Variants in PCDHGA10 observed in about 807,000 individuals in gnomAD.
The protein encoded by PCDHGA10 is protocadherin gamma-A10.
PCDHGA10 carries 42 observed loss-of-function variants against 59.5 expected under a neutral mutation model. That is an observed-to-expected ratio of 0.71 (90% CI 0.55 to 0.91). The LOEUF (loss-of-function observed/expected upper bound fraction) is 0.91. PCDHGA10 is among the 40% of genes least tolerant of loss of function. The pLI is 0.00. For synonymous variants in PCDHGA10, 511 were observed against 517.2 expected (o/e 0.99, Z 0.16); for missense variants, 1,111 against 1,198.2 (o/e 0.93, Z 1.07).
At chr5:141,509,872 G>A (rs968745661) in intron 3 of PCDHGA10, among the ~76,000 whole-genome samples, 1 of 152,166 alleles carries the variant, frequency 6.6e-6, no homozygotes, top group Non-Finnish European at 1.5e-5. Context: ...CCAAGCTGCT[G>A]GTGGTGATGG....
At chr5:141,426,231 C>A in intron 1 of PCDHGA10, 1 of 158,042 alleles carries the variant, frequency 6.3e-6, no homozygotes, top group Non-Finnish European at 1.4e-5. Flanking sequence ...ATTTTAAAAG[C>A]ACTTTGTGAA....
intron 1 of PCDHGA10, among the ~76,000 whole-genome samples, chr5:141,446,882 G>A (rs1419213225): frequency 1.3e-5 from 2 of 152,086 alleles, no homozygotes; most frequent in African/African-American, 4.8e-5. Flanking sequence ...TATGTTTTGG[G>A]GTTCATGGCT....
chr5:141,431,297 C>T lies in PCDHGA10; in HGVS notation c.2436+15686C>T. The T allele has an allele frequency of 6.2e-7, 1 of 1,614,126 alleles. No homozygotes were observed. The highest frequency in any genetic ancestry group is 8.5e-7 in the Non-Finnish European group (1 of 1,180,036). Reference sequence around the variant, plus strand: ...GCTCAGCCCGAACACTCACTTCTCCCTCATCGTGCAAAATGGAGCCGACGG... The same window carrying T: ...GCTCAGCCCGAACACTCACTTCTCCTTCATCGTGCAAAATGGAGCCGACGG... On this transcript the variant is annotated intron_variant, in intron 1 of 3. Coordinates refer to ENST00000398610, the MANE Select transcript of PCDHGA10 (RefSeq NM_018913.3). This position sits in a 1 kb window ranked among gnomAD's most constrained non-coding sequence, Gnocchi z 4.8.
At chr5:141,509,094 T>C (rs1038935185) in intron 3 of PCDHGA10, among the ~76,000 whole-genome samples, 4 of 152,152 alleles carry the variant, frequency 2.6e-5, no homozygotes, top group African/African-American at 9.7e-5. Context: ...AAATGGGGGC[T>C]GTAGAAACCT....
Position 141,496,888 on chromosome 5 carries a change from TA to T in PCDHGA10, c.2495+2038del, listed in dbSNP as rs35063790. 4.6e-3 allele frequency among the ~76,000 whole-genome samples: 621 copies of T among 133,932 alleles called. 1 individual carries two copies. Among genetic ancestry groups the T allele is most frequent in the Middle Eastern group, 0.011 (3 of 270 alleles). 87.9% of individuals were successfully genotyped at this position (133,932 alleles called of 152,430 possible). ...CTGAAAATTTGCAACAAGTAACACT[TA>T]AAAAAAAAAAAAAAGGCTGGGCACT... On this transcript the variant is annotated intron_variant, in intron 2 of 3. Coordinates refer to ENST00000398610, the MANE Select transcript of PCDHGA10 (RefSeq NM_018913.3).
chr5:141,501,304 C>T (rs1005430489), intron 2 of PCDHGA10, among the ~76,000 whole-genome samples: 104 of 151,340 alleles, frequency 6.9e-4, no homozygotes, highest in African/African-American at 2.2e-3. Flanking sequence ...CACACACACA[C>T]ACACACACAC....
chr5:141,415,765 T>G (rs1386091482), intron 1 of PCDHGA10, 154 bp downstream of exon 1: 1 of 1,364,078 alleles, frequency 7.3e-7, no homozygotes, highest in South Asian at 1.7e-5. Flanking sequence ...TTTTTTTTTT[T>G]TTTTTTTACT....
At chr5:141,473,623 A>T (rs186624707) in intron 1 of PCDHGA10, among the ~76,000 whole-genome samples, 8 of 152,280 alleles carry the variant, frequency 5.3e-5, no homozygotes, top group Non-Finnish European at 1.5e-5. Flanking sequence ...GAGGGAGGAA[A>T]AAGCAGCTTT....
chr5:141,454,232 G>T (rs2098784520), intron 1 of PCDHGA10, among the ~76,000 whole-genome samples: 1 of 152,146 alleles, frequency 6.6e-6, no homozygotes, highest in African/African-American at 2.4e-5. Context: ...TAATTGTGAT[G>T]AAAAGGATGA....
intron 1 of PCDHGA10, chr5:141,423,756 GGGGGT>G: frequency 1.1e-5 from 5 of 448,566 alleles, no homozygotes; most frequent in African/African-American, 2.8e-5. Context: ...TGTTTGGGGG[GGGGGT>G]GGGGCGGCAT....
At position 141,414,570 on chromosome 5, in the gene PCDHGA10, C is replaced by G. The variant is rs1253876890; in HGVS notation, c.1395C>G (p.Ile465Met). The change falls in exon 1 of 4, where the codon ATC becomes ATG. Residue 465 changes from isoleucine to methionine, a missense_variant. By Grantham distance (10) the Ile-to-Met change is conservative (BLOSUM62 1). Transcript: ENST00000398610. ...CTCAAGTCTCCTACTTTACCTATAT[C>G]CCAGAGAACAACGCCAGGGGTGCCT... ...TFSQVSYFTY[I>M]PENNARGASI... The G allele has an allele frequency of 8.1e-6, 13 of 1,613,862 alleles. No individual in the cohort carries two copies. The highest frequency in any genetic ancestry group is 1.0e-5 in the Non-Finnish European group (12 of 1,179,892).
intron 1 of PCDHGA10, 127 bp downstream of exon 1, chr5:141,415,738 A>G (rs2095905853): frequency 5.6e-6 from 3 of 538,228 alleles, no homozygotes; most frequent in South Asian, 3.9e-5. Context: ...ATGTTTATTA[A>G]GGTTTTTTTT....
intron 1 of PCDHGA10, among the ~76,000 whole-genome samples, chr5:141,437,505 A>G (rs1429147239): frequency 6.6e-6 from 1 of 152,204 alleles, no homozygotes; most frequent in Non-Finnish European, 1.5e-5. Context: ...TTTTCAATGA[A>G]TTATAAGGCT....
chr5:141,467,990 A>G (rs1593103654), intron 1 of PCDHGA10, among the ~76,000 whole-genome samples: 2 of 152,052 alleles, frequency 1.3e-5, no homozygotes, highest in South Asian at 2.1e-4. Context: ...GAAAACCACA[A>G]TTCTTTCTTC....
At chr5:141,417,027 GGT>G (rs1491367168) in intron 1 of PCDHGA10, 2 of 134,514 alleles carry the variant, frequency 1.5e-5, no homozygotes, top group Non-Finnish European at 3.1e-5. Flanking sequence ...GAAAAATACA[GGT>G]TTTTTTTTTA....
chr5:141,493,908 G>A lies in PCDHGA10; in HGVS notation c.2437-899G>A, dbSNP rs1308946115. ...CTAGGAGTGCTCCATGAGAGTGTGT[G>A]ATGGGATAACACACCCCCTGGAAAG... On this transcript the variant is annotated intron_variant, in intron 1 of 3. Transcript: ENST00000398610. This position sits in a 1 kb window ranked among gnomAD's most constrained non-coding sequence, Gnocchi z 4.3. Among the ~76,000 whole-genome samples the A allele has an allele frequency of 6.6e-6, 1 of 152,208 alleles. No homozygotes were observed. The highest frequency in any genetic ancestry group is 1.5e-5 in the Non-Finnish European group (1 of 68,032).
At chr5:141,505,767 AGGTCCTAGCTCT>A (rs2099848180) in intron 3 of PCDHGA10, among the ~76,000 whole-genome samples, 1 of 151,756 alleles carries the variant, frequency 6.6e-6, no homozygotes, top group Non-Finnish European at 1.5e-5. Context: ...AGTGTAGCTC[AGGTCCTAGCTCT>A]GCTACTATCC....
chr5:141,490,331 C>G lies in PCDHGA10; in HGVS notation c.2437-4476C>G. 6.2e-7 allele frequency: 1 copy of G among 1,614,214 alleles called. No individual in the cohort carries two copies. The highest frequency in any genetic ancestry group is 1.1e-5 in the South Asian group (1 of 91,086). The stretch of plus-strand genomic sequence containing the variant: ...GCCAACCCTGTCCTAGAGAGCACAC[C>G]AGTGGGCACAGTAGTGGGGTTGTTT... On this transcript the variant is annotated intron_variant, in intron 1 of 3. Transcript: ENST00000398610. This position sits in a 1 kb window ranked among gnomAD's most constrained non-coding sequence, Gnocchi z 5.4.
At chr5:141,444,692 T>G (rs531452351) in intron 1 of PCDHGA10, among the ~76,000 whole-genome samples, 1 of 152,360 alleles carries the variant, frequency 6.6e-6, no homozygotes, top group South Asian at 2.1e-4. Context: ...TTAAAAATAT[T>G]TTCCTCTTTC....
Sources: gnomAD v4.1 joint callset for allele counts (sites outside exome capture counted in the v4.1 genomes callset) on GRCh38, gnomAD v4.1.1 for gene constraint, Gnocchi (gnomAD v3.1) non-coding constraint, MANE v1.5 for transcripts, NCBI Gene and HGNC (gene_info 2026-07-23, HGNC 2026-07-21) for gene names.